Variants in SCAP observed in about 807,000 individuals in gnomAD.
The protein encoded by SCAP is sterol regulatory element-binding protein cleavage-activating protein.
SCAP carries 65 observed loss-of-function variants against 123.6 expected under a neutral mutation model. That is an observed-to-expected ratio of 0.53 (90% CI 0.43 to 0.65). The LOEUF (loss-of-function observed/expected upper bound fraction) is 0.65, where lower values mean the gene tolerates loss of function less well. Among genes scored for constraint, SCAP ranks in the 30% least tolerant of loss-of-function variants. The probability of loss-of-function intolerance (pLI) is 0.00; values close to 1 mark genes in which losing one functional copy is unlikely to be tolerated. For missense variants in SCAP, 1,398 were observed against 1,712.5 expected (o/e 0.82, Z 3.24); for synonymous variants, 740 against 726.3 (o/e 1.02, Z -0.30).
At chr3:47,456,315 T>C (rs1272743243) in intron 1 of SCAP, among the ~76,000 whole-genome samples, 3 of 152,018 alleles carry the variant, frequency 2.0e-5, no homozygotes, top group Non-Finnish European at 4.4e-5. Flanking sequence ...AGCGGGTGGA[T>C]TACCTGAGCC....
chr3:47,476,445 T>C (rs1037913896), upstream of SCAP, among the ~76,000 whole-genome samples: 1 of 152,182 alleles, frequency 6.6e-6, no homozygotes, highest in African/African-American at 2.4e-5. Flanking sequence ...AAGATGCTCA[T>C]GTTCCCTGTT....
chr3:47,469,738 C>T (rs1201431963), intron 1 of SCAP: 2 of 428,112 alleles, frequency 4.7e-6, no homozygotes, highest in Non-Finnish European at 9.0e-6. Flanking sequence ...CTTTCACCTT[C>T]TGCCATGATT....
chr3:47,430,751 G>C (rs1387707484), intron 3 of SCAP, among the ~76,000 whole-genome samples: 1 of 152,210 alleles, frequency 6.6e-6, no homozygotes, highest in Non-Finnish European at 1.5e-5. Context: ...CATGGCCCTA[G>C]ACAGCGGTGT....
At chr3:47,460,576 A>G (rs6801270) in intron 1 of SCAP, among the ~76,000 whole-genome samples, 145,992 of 152,220 alleles carry the variant, frequency 0.96, 70,327 homozygotes, top group East Asian at 1. Context: ...TTTTTGAGAC[A>G]GAGTCTCACT....
intron 5 of SCAP, 45 bp downstream of exon 5, chr3:47,427,402 A>T (rs757077468): frequency 6.3e-7 from 1 of 1,594,212 alleles, no homozygotes; most frequent in African/African-American, 1.3e-5. Flanking sequence ...GACGGTGACC[A>T]ATGGGCACCT....
intron 3 of SCAP, among the ~76,000 whole-genome samples, chr3:47,433,767 C>G (rs1576277209): frequency 6.6e-6 from 1 of 152,236 alleles, no homozygotes; most frequent in East Asian, 1.9e-4. Context: ...ACTCAGGAGG[C>G]TGAGGCAGGA....
intron 1 of SCAP, among the ~76,000 whole-genome samples, chr3:47,447,349 C>T (rs1043669838): frequency 6.6e-6 from 1 of 151,868 alleles, no homozygotes; most frequent in Non-Finnish European, 1.5e-5. Context: ...GCCAAGATCA[C>T]GCCACTGCAC....
At chr3:47,424,074 C>T (rs1454145343) in intron 8 of SCAP, 29 bp from the exon 9 acceptor site, 3 of 1,562,540 alleles carry the variant, frequency 1.9e-6, no homozygotes, top group Non-Finnish European at 2.6e-6. Context: ...AAGGTGAGGA[C>T]AGTGTTGTGG....
chr3:47,469,810 G>C, intron 1 of SCAP: 1 of 577,074 alleles, frequency 1.7e-6, no homozygotes, highest in South Asian at 1.4e-5. Flanking sequence ...AGACTTGCAA[G>C]GCTATTACCC....
At chr3:47,460,686 T>C (rs1286506866) in intron 1 of SCAP, among the ~76,000 whole-genome samples, 3 of 152,102 alleles carry the variant, frequency 2.0e-5, no homozygotes, top group Non-Finnish European at 4.4e-5. Context: ...GCCTCCCAAG[T>C]AGCTGGGATT....
At chr3:47,468,994 G>C (rs931166955) in intron 1 of SCAP, among the ~76,000 whole-genome samples, 2 of 152,194 alleles carry the variant, frequency 1.3e-5, no homozygotes, top group Admixed American at 1.3e-4. Flanking sequence ...GAAATGGATA[G>C]TGATGATGGT....
chr3:47,422,342 G>A (rs1705938479), intron 10 of SCAP, 100 bp downstream of exon 10: 1 of 974,940 alleles, frequency 1.0e-6, no homozygotes, highest in South Asian at 1.6e-5. Flanking sequence ...AAGCAAGGAT[G>A]CCTGTGCTGA....
At chr3:47,414,773 G>A in intron 20 of SCAP, 54 bp downstream of exon 20, 2 of 1,600,564 alleles carry the variant, frequency 1.2e-6, no homozygotes, top group Non-Finnish European at 1.7e-6. Flanking sequence ...AATGCATCAG[G>A]CTCCCACCCC....
rs766524322 is a variant in SCAP at position 47,426,008 on chromosome 3, T to C, written c.899A>G (p.Tyr300Cys). 1.2e-6 allele frequency: 2 copies of C among 1,614,074 alleles called. No individual in the cohort carries two copies. The highest frequency in any genetic ancestry group is 1.7e-6 in the Non-Finnish European group (2 of 1,180,004). ...TGCCATGAACCTACGCGTGGAGAAG[T>C]AGATGTAGGCAAACAAGATGATGTA... is the stretch of plus-strand genomic sequence containing the variant. ...TTYIILFAYI[Y>C]FSTRKIDMVK... Residue 300 changes from tyrosine to cysteine, a missense_variant, in exon 7 of 23, where the codon TAC becomes TGC. Tyr to Cys is a radical substitution (Grantham distance 194). This residue lies in a region of SCAP where 319 missense variants were observed against 432.4 expected (regional missense o/e 0.74). Coordinates refer to ENST00000265565, the MANE Select transcript of SCAP (RefSeq NM_012235.4).
intron 3 of SCAP, among the ~76,000 whole-genome samples, chr3:47,433,982 A>G (rs1451123681): frequency 1.3e-5 from 2 of 152,210 alleles, no homozygotes; most frequent in African/African-American, 4.8e-5. Flanking sequence ...AACTGGTTTC[A>G]CCACAAAACT....
At position 47,428,593 on chromosome 3, in the gene SCAP, C is replaced by T; in HGVS notation, c.330G>A (p.Leu110=). 1 of 1,614,172 alleles carries T rather than the reference C, an allele frequency of 6.2e-7. No homozygotes were observed. Among genetic ancestry groups the T allele is most frequent in the Non-Finnish European group, 8.5e-7 (1 of 1,180,024 alleles). The change falls in exon 4 of 23, where the codon CTG becomes CTA. Residue 110 remains leucine (L), a synonymous_variant. Transcript: ENST00000265565. ...SSVFPWHKNL[L]AVDVFRSPLS... is the part of the protein sequence containing the mutation. ...AAGGTGAACGAAATACATCTACTGC[C>T]AGGAGGTTCTTGTGCCAGGGAAACA...
chr3:47,442,911 G>T lies in SCAP; in HGVS notation c.83C>A (p.Pro28His). The change falls in exon 2 of 23, where the codon CCC becomes CAC. Residue 28 changes from proline (P) to histidine (H), a missense_variant. Pro to His is a moderately conservative substitution (Grantham distance 77). Transcript: ENST00000265565. ...HGLLCASYPI[P>H]IILFTGFCIL... ...GCAGAACCCTGTGAAGAGGATGATGGGGATGGGATAGGATGCACAGAGGAG... is the reference window on the plus strand; with the variant it reads ...GCAGAACCCTGTGAAGAGGATGATGTGGATGGGATAGGATGCACAGAGGAG... The T allele has an allele frequency of 6.2e-7, 1 of 1,614,166 alleles. No homozygotes were observed. The highest frequency in any genetic ancestry group is 1.1e-5 in the South Asian group (1 of 91,080).
rs561055207 is a variant in SCAP at position 47,419,677 on chromosome 3, G to A, written c.1591C>T (p.Leu531=). Residue 531 remains leucine (L), a synonymous_variant, in exon 13 of 23, where the codon CTG becomes TTG. Transcript: ENST00000265565. The surrounding 1 kb of genome is among the most constrained non-coding windows in gnomAD (Gnocchi z 5.0). ...MAGTVVWIGI[L]VYTDPAGLRN... ...AGCCCTGCTGGGTCTGTGTATACCA[G>A]GATGCCAATCCAGACAACGGTGCCA... 6.6e-7 allele frequency: 1 copy of A among 1,524,378 alleles called. No individual in the cohort carries two copies. The highest frequency in any genetic ancestry group is 1.3e-5 in the South Asian group (1 of 76,286). The allele number at this position is 1,524,378 out of a possible 1,614,324, so 94.4% of individuals were successfully genotyped here. A position where few individuals can be genotyped will look rare whatever the true frequency, so the allele number is the denominator to read the frequency against.
rs1705657932 is a variant in SCAP at position 47,417,693 on chromosome 3, G to T, written c.2581C>A (p.Pro861Thr). Residue 861 changes from proline to threonine, a missense_variant, in exon 17 of 23, where the codon CCT becomes ACT. Pro to Thr is a conservative substitution (Grantham distance 38). Around this residue, in one of 7 missense-constraint regions of SCAP, gnomAD observed 828 missense variants for 882.5 expected, o/e 0.94. Coordinates refer to ENST00000265565, the MANE Select transcript of SCAP (RefSeq NM_012235.4). Reference protein sequence around the residue: ...SPPLRHRPRGPPPPSLFGDQP... With the variant: ...SPPLRHRPRGTPPPSLFGDQP... ...TCCCCGAAGAGGGAAGGCGGCGGAG[G>T]GCCCCGGGGGCGGTGTCTCAGGGGA... 1 of 1,607,722 alleles carries T rather than the reference G, an allele frequency of 6.2e-7. No homozygotes were observed. The highest frequency in any genetic ancestry group is 1.4e-5 in the African/African-American group (1 of 73,640).
Sources: gnomAD v4.1 joint callset for allele counts (sites outside exome capture counted in the v4.1 genomes callset) on GRCh38, gnomAD v4.1.1 for gene constraint, gnomAD v4.1.1 regional missense constraint, Gnocchi (gnomAD v3.1) non-coding constraint, MANE v1.5 for transcripts, NCBI Gene and HGNC (gene_info 2026-07-23, HGNC 2026-07-21) for gene names.